SGCZ: variants seen among roughly 807,000 people sequenced by gnomAD.
The protein encoded by SGCZ is zeta-sarcoglycan.
In SGCZ, 40 loss-of-function variants were observed where a neutral mutation model predicts 41.3. The ratio of observed to expected loss-of-function variants is 0.97; its 90% CI spans 0.75 to 1.26. The LOEUF is 1.26. SGCZ is among the 50% of genes most tolerant of loss of function. The pLI is 0.00. For synonymous variants in SGCZ, 206 were observed against 137.5 expected (o/e 1.50, Z -3.49); for missense variants, 552 against 369.8 (o/e 1.49, Z -4.04).
intron 5 of SGCZ, among the ~76,000 whole-genome samples, chr8:14,159,800 G>T (rs1803985427): frequency 6.6e-6 from 1 of 152,144 alleles, no homozygotes. Context: ...TGAGTCCAAA[G>T]CTGACCCCAT....
At chr8:14,637,655 T>C (rs1292453142) in intron 1 of SGCZ, among the ~76,000 whole-genome samples, 4 of 151,914 alleles carry the variant, frequency 2.6e-5, no homozygotes, top group African/African-American at 9.7e-5. Context: ...CATGATTCCG[T>C]TCTTTTTTAT....
chr8:15,188,347 A>G (rs1383800025), intron 1 of SGCZ, among the ~76,000 whole-genome samples: 2 of 152,140 alleles, frequency 1.3e-5, no homozygotes, highest in Admixed American at 6.5e-5. Flanking sequence ...TGTCCTGTAT[A>G]GACATATTGT....
chr8:14,795,563 C>T (rs1286480080), intron 1 of SGCZ, among the ~76,000 whole-genome samples: 1 of 152,162 alleles, frequency 6.6e-6, no homozygotes, highest in East Asian at 1.9e-4. Context: ...CCACCTCAGC[C>T]TCCCATGTAA....
intron 1 of SGCZ, among the ~76,000 whole-genome samples, chr8:15,131,725 T>G (rs1807910099): frequency 6.6e-6 from 1 of 151,840 alleles, no homozygotes. Context: ...CAACCAGCTC[T>G]GTTCATCATT....
chr8:14,263,849 A>T (rs1301172417), intron 3 of SGCZ, among the ~76,000 whole-genome samples: 1 of 152,118 alleles, frequency 6.6e-6, no homozygotes, highest in Non-Finnish European at 1.5e-5. Context: ...CACAACTCAG[A>T]GACAGACAAA....
intron 1 of SGCZ, among the ~76,000 whole-genome samples, chr8:14,606,191 A>T (rs1459155345): frequency 6.6e-6 from 1 of 152,040 alleles, no homozygotes; most frequent in South Asian, 2.1e-4. Context: ...CCTCTTGTAC[A>T]TATTGCCCCA....
chr8:14,464,950 A>G lies in SGCZ; in HGVS notation c.234+89782T>C, dbSNP rs115834425. Among the ~76,000 whole-genome samples the G allele has an allele frequency of 6.6e-3, 1,001 of 151,612 alleles. 14 individuals are homozygous for G. Among genetic ancestry groups the G allele is most frequent in the African/African-American group, 0.023 (964 of 41,464 alleles). The stretch of plus-strand genomic sequence containing the variant: ...ATTGTGGTTGGATAACACACTTTTT[A>G]TGGTATCTATATTTTAAAATATGCC... On this transcript the variant is annotated intron_variant, in intron 2 of 7. Transcript: ENST00000382080.
At chr8:14,682,687 G>C (rs1808488703) in intron 1 of SGCZ, among the ~76,000 whole-genome samples, 1 of 152,172 alleles carries the variant, frequency 6.6e-6, no homozygotes, top group Non-Finnish European at 1.5e-5. Context: ...GCCCGCCTCG[G>C]CCTCCCAAAG....
At chr8:14,555,844 T>A (rs1804019610) in intron 1 of SGCZ, among the ~76,000 whole-genome samples, 1 of 152,090 alleles carries the variant, frequency 6.6e-6, no homozygotes, top group Non-Finnish European at 1.5e-5. Flanking sequence ...ATGTAGACAA[T>A]AGCTATCAAA....
At chr8:14,773,677 C>T (rs972587745) in intron 1 of SGCZ, among the ~76,000 whole-genome samples, 4 of 152,132 alleles carry the variant, frequency 2.6e-5, no homozygotes, top group Admixed American at 6.6e-5. Context: ...TCTTTTGCCT[C>T]AGAGCAAAGG....
intron 2 of SGCZ, among the ~76,000 whole-genome samples, chr8:14,502,910 A>T (rs1416399275): frequency 6.6e-6 from 1 of 152,218 alleles, no homozygotes. Flanking sequence ...ATCTAGAACC[A>T]GAAATACCAT....
At chr8:15,045,445 T>G (rs1445206342) in intron 1 of SGCZ, among the ~76,000 whole-genome samples, 1 of 152,076 alleles carries the variant, frequency 6.6e-6, no homozygotes, top group Non-Finnish European at 1.5e-5. Context: ...TAGACCTGAG[T>G]TAAAACATGT....
intron 1 of SGCZ, among the ~76,000 whole-genome samples, chr8:15,090,039 T>A (rs1806098164): frequency 6.6e-6 from 1 of 152,242 alleles, no homozygotes; most frequent in Non-Finnish European, 1.5e-5. Context: ...AAACTTTTGA[T>A]ATTACCTTGT....
intron 1 of SGCZ, chr8:14,879,939 C>G (rs1467861216): frequency 6.6e-6 from 1 of 152,086 alleles, no homozygotes; most frequent in African/African-American, 2.4e-5. Context: ...TTCCTGGGTT[C>G]AAGCAATTCT....
intron 1 of SGCZ, among the ~76,000 whole-genome samples, chr8:15,089,015 G>A (rs953537551): frequency 6.6e-6 from 1 of 152,048 alleles, no homozygotes; most frequent in Non-Finnish European, 1.5e-5. Context: ...AAACTTATTT[G>A]CATAGAAGAT....
intron 2 of SGCZ, among the ~76,000 whole-genome samples, chr8:14,539,412 C>G (rs1803390920): frequency 6.6e-6 from 1 of 151,882 alleles, no homozygotes; most frequent in Non-Finnish European, 1.5e-5. Flanking sequence ...ACTCAGGGGT[C>G]AGGGAAGGCT....
At chr8:14,977,880 TAC>T (rs10562709) in intron 1 of SGCZ, among the ~76,000 whole-genome samples, 1,776 of 149,594 alleles carry the variant, frequency 0.012, 17 homozygotes, top group African/African-American at 0.025. Context: ...AGAACAATTT[TAC>T]ACACACACAC....
At chr8:14,264,681 G>T (rs1179897631) in intron 3 of SGCZ, among the ~76,000 whole-genome samples, 1 of 152,214 alleles carries the variant, frequency 6.6e-6, no homozygotes, top group Non-Finnish European at 1.5e-5. Flanking sequence ...CCAGATGGTT[G>T]CCGGGAGCGG....
chr8:15,042,397 G>A (rs1229972564), intron 1 of SGCZ, among the ~76,000 whole-genome samples: 1 of 152,128 alleles, frequency 6.6e-6, no homozygotes, highest in Non-Finnish European at 1.5e-5. Context: ...TTTAAATCAG[G>A]CCACAATTTG....
Sources: allele counts gnomAD v4.1 joint callset (sites outside exome capture counted in the v4.1 genomes callset), GRCh38; gene constraint gnomAD v4.1.1; transcripts MANE v1.5; gene names NCBI Gene and HGNC (gene_info 2026-07-23, HGNC 2026-07-21).